Variants in CEP170 observed in about 807,000 individuals in gnomAD.
The protein encoded by CEP170 is centrosomal protein of 170 kDa.
A neutral mutation model predicts 151.9 loss-of-function variants in CEP170; 21 were observed. The ratio of observed to expected loss-of-function variants is 0.14; its 90% CI spans 0.10 to 0.20. The LOEUF (loss-of-function observed/expected upper bound fraction) is 0.20, where lower values mean the gene tolerates loss of function less well. Among genes scored for constraint, CEP170 ranks in the 10% least tolerant of loss-of-function variants. The pLI is 1.00. For missense variants in CEP170, 964 were observed against 1,892.9 expected, an observed-to-expected ratio of 0.51 and a Z score of 9.11; for synonymous variants, 356 against 648.8, an observed-to-expected ratio of 0.55 and a Z score of 6.86.
chr1:243,242,689 A>G (rs543885373), intron 1 of CEP170, among the ~76,000 whole-genome samples: 1 of 151,846 alleles, frequency 6.6e-6, no homozygotes, highest in African/African-American at 2.4e-5. Flanking sequence ...TCTCCAATTT[A>G]TAAATTTTGA....
intron 1 of CEP170, among the ~76,000 whole-genome samples, chr1:243,226,252 T>A (rs1486088362): frequency 1.3e-5 from 2 of 148,688 alleles, no homozygotes; most frequent in Non-Finnish European, 3.0e-5. Flanking sequence ...CACATATATG[T>A]ATGTATATAT....
At chr1:243,171,086 G>A (rs890455284) in intron 11 of CEP170, among the ~76,000 whole-genome samples, 26 of 152,308 alleles carry the variant, frequency 1.7e-4, no homozygotes, top group African/African-American at 6.3e-4. Flanking sequence ...GCTTTTGCTT[G>A]GCAGGGGTTG....
chr1:243,156,776 G>A (rs1455233509), intron 13 of CEP170: 1 of 197,708 alleles, frequency 5.1e-6, no homozygotes. Flanking sequence ...TTTAACTGGA[G>A]TACTTTTCAA....
chr1:243,191,037 C>T lies in CEP170; in HGVS notation c.1089G>A (p.Val363=), dbSNP rs778433741. 1.5e-5 allele frequency: 24 copies of T among 1,593,890 alleles called. No individual in the cohort carries two copies. The highest frequency in any genetic ancestry group is 9.1e-5 in the South Asian group (8 of 88,186). The change falls in exon 8 of 20, where the codon GTG becomes GTA. Residue 363 remains valine, a synonymous_variant. Coordinates refer to ENST00000366542, the MANE Select transcript of CEP170 (RefSeq NM_014812.3). ...CTTTACCTTTCAACCTTTTCAAGTA[C>T]ACTGGAACATCACTTTTAATGCTTT... ...DSKSIKSDVP[V]YLKRLKGNKH...
chr1:243,223,690 A>C (rs2149000597), intron 2 of CEP170, among the ~76,000 whole-genome samples: 2 of 152,308 alleles, frequency 1.3e-5, no homozygotes, highest in Middle Eastern at 6.8e-3. Context: ...TTAGGGAGTG[A>C]GGAGTGGGCC....
rs760731019 is a variant in CEP170 at position 243,186,049 on chromosome 1, C to A, written c.1296G>T (p.Gly432=). 58 of 1,613,602 alleles carry A rather than the reference C, an allele frequency of 3.6e-5. No individual in the cohort carries two copies. The highest frequency in any genetic ancestry group is 3.3e-5 in the Admixed American group (2 of 59,968). The part of the protein sequence containing the change: ...QAVTSSAHHR[G]GHGVPHGKLL... Reference sequence around the variant, plus strand: ...ATTTCCCATGTGGAACACCATGCCCCCCTCTGTGATGCGCAGAGCTAGTCT... The same window carrying A: ...ATTTCCCATGTGGAACACCATGCCCACCTCTGTGATGCGCAGAGCTAGTCT... Residue 432 remains glycine, a synonymous_variant, in exon 10 of 20, where the codon GGG becomes GGT. Coordinates refer to ENST00000366542, the MANE Select transcript of CEP170 (RefSeq NM_014812.3).
chr1:243,178,308 C>CAAAAAAAAAAAAA (rs869094317), intron 10 of CEP170, among the ~76,000 whole-genome samples: 10 of 30,428 alleles, frequency 3.3e-4, no homozygotes, highest in African/African-American at 1.6e-3. Context: ...GACTCTGCCT[C>CAAAAAAAAAAAAA]AAAAAAAAAA....
chr1:243,140,173 A>G lies in CEP170; in HGVS notation c.4060-66T>C, dbSNP rs2055661998. 3.2e-6 allele frequency: 5 copies of G among 1,558,268 alleles called. No homozygotes were observed. In the South Asian group the frequency reaches 3.6e-5, roughly 11 times the overall value. On this transcript the variant is annotated intron_variant, in intron 15 of 19. Coordinates refer to ENST00000366542, the MANE Select transcript of CEP170 (RefSeq NM_014812.3). ...TTGAAAAAGTACCAATATTGGCATT[A>G]CAATTTTTATGATTAGACAGAAGTT...
intron 1 of CEP170, among the ~76,000 whole-genome samples, chr1:243,231,621 A>C (rs1482929019): frequency 6.6e-6 from 1 of 152,234 alleles, no homozygotes; most frequent in Admixed American, 6.5e-5. Flanking sequence ...TGATATATTC[A>C]AACTAGGTTT....
rs565534328 is a variant in CEP170, at chr1:243,159,763, TTG to T, written c.3677-3310_3677-3309del. Among the ~76,000 whole-genome samples the T allele has an allele frequency of 8.1e-3, 1,035 of 127,004 alleles. 5 individuals are homozygous for T. The highest frequency in any genetic ancestry group is 0.028 in the East Asian group (117 of 4,242). 83.3% of individuals were successfully genotyped at this position (127,004 alleles called of 152,430 possible). On this transcript the variant is annotated intron_variant, in intron 13 of 19. Coordinates refer to ENST00000366542, the MANE Select transcript of CEP170 (RefSeq NM_014812.3). Reference sequence around the variant, plus strand: ...ACATTCTACATTTTTGTTTCCGGTTTTGTGTGTGTGTGTGTGTGTGTGTGTGT... The same window carrying T: ...ACATTCTACATTTTTGTTTCCGGTTTTGTGTGTGTGTGTGTGTGTGTGTGT...
At chr1:243,253,797 T>G (rs998935880) in intron 1 of CEP170, among the ~76,000 whole-genome samples, 1 of 152,218 alleles carries the variant, frequency 6.6e-6, no homozygotes, top group Non-Finnish European at 1.5e-5. Context: ...CTGCATACAT[T>G]GTAAGCTTAA....
At chr1:243,190,746 A>G (rs2789141) in intron 8 of CEP170, among the ~76,000 whole-genome samples, 1 of 152,184 alleles carries the variant, frequency 6.6e-6, no homozygotes, top group African/African-American at 2.4e-5. Flanking sequence ...AATAAATCTT[A>G]TATTTCTAGA....
chr1:243,147,104 T>C (rs576679495), intron 14 of CEP170, among the ~76,000 whole-genome samples: 19 of 152,326 alleles, frequency 1.2e-4, no homozygotes, highest in Admixed American at 1.0e-3. Context: ...AGTATTCTTA[T>C]TACTACACTG....
chr1:243,233,354 G>C (rs1441014673), intron 1 of CEP170, among the ~76,000 whole-genome samples: 1 of 152,134 alleles, frequency 6.6e-6, no homozygotes, highest in African/African-American at 2.4e-5. Context: ...AAATAAACAT[G>C]AAACAAAGAA....
intron 4 of CEP170, among the ~76,000 whole-genome samples, chr1:243,209,268 T>G (rs2061616733): frequency 6.6e-6 from 1 of 152,154 alleles, no homozygotes; most frequent in Admixed American, 6.5e-5. Flanking sequence ...CACTGCAACC[T>G]CCGCCTCCCA....
intron 4 of CEP170, chr1:243,211,121 A>C (rs1014950754): frequency 8.6e-5 from 13 of 151,956 alleles, no homozygotes; most frequent in South Asian, 2.1e-4. Context: ...AAAAAAAAAA[A>C]ACAACCTTCA....
chr1:243,249,339 G>A (rs2149191196), intron 1 of CEP170, among the ~76,000 whole-genome samples: 1 of 152,022 alleles, frequency 6.6e-6, no homozygotes, highest in South Asian at 2.1e-4. Context: ...TATTGCTTAA[G>A]CCCAGCGGGT....
chr1:243,188,654 G>A (rs1475223218), intron 8 of CEP170, among the ~76,000 whole-genome samples: 2 of 152,172 alleles, frequency 1.3e-5, no homozygotes, highest in African/African-American at 4.8e-5. Context: ...CTCTCCTAAA[G>A]GGTTAAAGTG....
At chr1:243,150,806 G>GT (rs1362580924) in intron 14 of CEP170, among the ~76,000 whole-genome samples, 7 of 152,184 alleles carry the variant, frequency 4.6e-5, no homozygotes, top group African/African-American at 1.7e-4. Context: ...CAAGCACTAG[G>GT]TTAAGTATGT....
Sources: allele counts gnomAD v4.1 joint callset (sites outside exome capture counted in the v4.1 genomes callset), GRCh38; gene constraint gnomAD v4.1.1; transcripts MANE v1.5; gene names NCBI Gene and HGNC (gene_info 2026-07-23, HGNC 2026-07-21).